MGMT: variants seen among roughly 807,000 people sequenced by gnomAD.
MGMT encodes O-6-methylguanine-DNA methyltransferase, also known as methylated-DNA--protein-cysteine methyltransferase.
Under a neutral mutation model 15.9 loss-of-function variants are expected in MGMT, and 14 were observed. The ratio of observed to expected loss-of-function variants is 0.88; its 90% CI spans 0.58 to 1.37. MGMT has a LOEUF of 1.37. MGMT is among the 40% of genes most tolerant of loss of function. The pLI is 0.00. For synonymous variants in MGMT, 130 were observed against 118.2 expected (o/e 1.10, Z -0.65); for missense variants, 282 against 268.1 (o/e 1.05, Z -0.36).
chr10:129,704,232 G>T (rs1012118533), intron 2 of MGMT, among the ~76,000 whole-genome samples: 1 of 152,056 alleles, frequency 6.6e-6, no homozygotes, highest in African/African-American at 2.4e-5. Flanking sequence ...CCTCACTAAC[G>T]GGGAAGGAAA....
intron 3 of MGMT, among the ~76,000 whole-genome samples, chr10:129,743,460 T>C (rs74160280): frequency 0.041 from 6,271 of 152,292 alleles, 434 homozygotes; most frequent in African/African-American, 0.14. Flanking sequence ...ATCAGTGCGT[T>C]GGTTGGTGGC....
At chr10:129,717,733 C>CG (rs1321173582) in intron 3 of MGMT, 1 of 152,146 alleles carries the variant, frequency 6.6e-6, no homozygotes, top group African/African-American at 2.4e-5. Flanking sequence ...CACACCTGGC[C>CG]GGGGACCCTG....
chr10:129,544,618 C>T (rs1372615004), intron 2 of MGMT, among the ~76,000 whole-genome samples: 3 of 152,206 alleles, frequency 2.0e-5, no homozygotes, highest in Admixed American at 6.5e-5. Flanking sequence ...GGGTGGGCCA[C>T]GCCCCTCCTG....
chr10:129,671,472 C>T (rs1847722851), intron 2 of MGMT, among the ~76,000 whole-genome samples: 1 of 151,970 alleles, frequency 6.6e-6, no homozygotes, highest in South Asian at 2.1e-4. Context: ...CACAGCCACA[C>T]TCATTTGTTT....
intron 2 of MGMT, among the ~76,000 whole-genome samples, chr10:129,627,808 G>T (rs769052093): frequency 6.6e-6 from 1 of 152,206 alleles, no homozygotes; most frequent in Non-Finnish European, 1.5e-5. Flanking sequence ...ATAGCTAGAA[G>T]AAAAATACAA....
At chr10:129,570,820 T>C (rs1371516970) in intron 2 of MGMT, among the ~76,000 whole-genome samples, 1 of 152,204 alleles carries the variant, frequency 6.6e-6, no homozygotes, top group East Asian at 1.9e-4. Flanking sequence ...TTTAATACTA[T>C]AGACATTAAT....
chr10:129,664,886 C>T (rs1023827141), intron 2 of MGMT, among the ~76,000 whole-genome samples: 8 of 152,146 alleles, frequency 5.3e-5, no homozygotes, highest in Non-Finnish European at 1.2e-4. Context: ...AAAACTAAAA[C>T]CACAAGGAGA....
rs144608523 is a variant in MGMT at position 129,608,840 on chromosome 10, T to C, written c.125+72463T>C. Reference sequence around the variant, plus strand: ...TCCCCAGCTGAGGCCCCGTCCGCCTTGGCCACTCCCTTTCATCTCCCGGGC... The same window carrying C: ...TCCCCAGCTGAGGCCCCGTCCGCCTCGGCCACTCCCTTTCATCTCCCGGGC... On this transcript the variant is annotated intron_variant, in intron 2 of 4. Transcript: ENST00000651593. Among the ~76,000 whole-genome samples the C allele has an allele frequency of 2.1e-4, 32 of 152,356 alleles. No homozygotes were observed. The Middle Eastern group carries it at 0.01, about 49-fold the overall frequency.
chr10:129,744,244 A>G (rs1017238974), intron 3 of MGMT, among the ~76,000 whole-genome samples: 3 of 152,072 alleles, frequency 2.0e-5, no homozygotes, highest in African/African-American at 7.2e-5. Context: ...CCCACTGCTG[A>G]GTCTCTACAC....
intron 1 of MGMT, among the ~76,000 whole-genome samples, chr10:129,468,883 T>G (rs563537523): frequency 6.6e-6 from 1 of 152,238 alleles, no homozygotes; most frequent in African/African-American, 2.4e-5. Context: ...GAAACTGTCC[T>G]GAAGGGGAAA....
chr10:129,746,977 C>T (rs1848702475), intron 3 of MGMT, among the ~76,000 whole-genome samples: 1 of 152,250 alleles, frequency 6.6e-6, no homozygotes, highest in South Asian at 2.1e-4. Context: ...TATGTCTCCT[C>T]AGTTATTCAG....
At chr10:129,634,765 C>T (rs975317986) in intron 2 of MGMT, among the ~76,000 whole-genome samples, 8 of 152,060 alleles carry the variant, frequency 5.3e-5, no homozygotes, top group Admixed American at 1.3e-4. Flanking sequence ...TTTGCATCCT[C>T]GTCTGCTAAT....
intron 1 of MGMT, among the ~76,000 whole-genome samples, chr10:129,484,035 G>A (rs1247403282): frequency 6.6e-6 from 1 of 152,122 alleles, no homozygotes; most frequent in African/African-American, 2.4e-5. Flanking sequence ...ACAAAATTTT[G>A]ACTGTATTTC....
At chr10:129,471,875 T>C (rs142762505) in intron 1 of MGMT, among the ~76,000 whole-genome samples, 25 of 152,328 alleles carry the variant, frequency 1.6e-4, no homozygotes, top group Non-Finnish European at 3.2e-4. Flanking sequence ...AGGTTTTCTG[T>C]GCATATGGGT....
chr10:129,636,654 A>G (rs1200082870), intron 2 of MGMT, among the ~76,000 whole-genome samples: 1 of 152,088 alleles, frequency 6.6e-6, no homozygotes. Context: ...TTTCCTGTGA[A>G]CTCTATAGAT....
At chr10:129,580,614 G>T (rs144950588) in intron 2 of MGMT, among the ~76,000 whole-genome samples, 8 of 152,322 alleles carry the variant, frequency 5.3e-5, no homozygotes, top group South Asian at 4.1e-4. Context: ...TCTTTGCTGA[G>T]ACTGTGAGCC....
At chr10:129,677,853 G>A (rs1358985984) in intron 2 of MGMT, among the ~76,000 whole-genome samples, 1 of 152,132 alleles carries the variant, frequency 6.6e-6, no homozygotes, top group East Asian at 1.9e-4. Context: ...GGGCATCTCT[G>A]TCCCCACCAG....
intron 2 of MGMT, among the ~76,000 whole-genome samples, chr10:129,539,784 G>A (rs1846024743): frequency 6.6e-6 from 1 of 152,222 alleles, no homozygotes; most frequent in Non-Finnish European, 1.5e-5. Flanking sequence ...GGGATTACAG[G>A]CGTGAGCCAC....
intron 2 of MGMT, among the ~76,000 whole-genome samples, chr10:129,654,183 G>A (rs1247489218): frequency 1.3e-5 from 2 of 152,182 alleles, no homozygotes; most frequent in East Asian, 1.9e-4. Context: ...TGGATGGTGA[G>A]GTAGCCCATC....
Sources: gnomAD v4.1 joint callset for allele counts (sites outside exome capture counted in the v4.1 genomes callset) on GRCh38, gnomAD v4.1.1 for gene constraint, MANE v1.5 for transcripts, NCBI Gene and HGNC (gene_info 2026-07-23, HGNC 2026-07-21) for gene names.